The following EXTL2 variants were observed in gnomAD, a reference collection of about 807,000 sequenced individuals.
The protein encoded by EXTL2 is exostosin-like 2.
In EXTL2, 23 loss-of-function variants were observed where a neutral mutation model predicts 30.7. The ratio of observed to expected loss-of-function variants is 0.75; its 90% CI spans 0.54 to 1.06. EXTL2 has a LOEUF of 1.06. EXTL2 is among the 50% of genes least tolerant of loss of function. EXTL2 has a pLI of 0.00. For missense variants in EXTL2, 352 were observed against 396.3 expected (o/e 0.89, Z 0.95); for synonymous variants, 123 against 133.8 (o/e 0.92, Z 0.56).
rs1648779041 is a variant in EXTL2, at chr1:100,872,557, T to C, written c.*1385A>G. 1 of 152,298 alleles carries C rather than the reference T, an allele frequency of 6.6e-6. No individual in the cohort carries two copies. The highest frequency in any genetic ancestry group is 2.1e-4 in the South Asian group (1 of 4,820). 9.4% of individuals were successfully genotyped at this position (152,298 alleles called of 1,614,324 possible). ...ACTGCATTAAGACACATATACTCTT[T>C]AATGTAAAAAAAAAACCATCATATG... On this transcript the variant is annotated 3_prime_UTR_variant, in exon 5 of 5. Transcript: ENST00000370114.
chr1:100,877,030 T>A lies in EXTL2; in HGVS notation c.434-166A>T, dbSNP rs373969462. ...ATTTGTCCAGTAGAAAATAATTTTT[T>A]TGGTATCATAACTGATTGTATAACT... On this transcript the variant is annotated intron_variant, in intron 3 of 4. Coordinates refer to ENST00000370114, the MANE Select transcript of EXTL2 (RefSeq NM_001033025.3). This position sits in a 1 kb window ranked among gnomAD's most constrained non-coding sequence, Gnocchi z 4.1. 1.3e-5 allele frequency among the ~76,000 whole-genome samples: 2 copies of A among 152,224 alleles called. No individual in the cohort carries two copies. Among genetic ancestry groups the A allele is most frequent in the East Asian group, 3.9e-4 (2 of 5,166 alleles).
chr1:100,893,739 C>G (rs531370957), intron 1 of EXTL2, among the ~76,000 whole-genome samples: 1 of 152,194 alleles, frequency 6.6e-6, no homozygotes, highest in Non-Finnish European at 1.5e-5. Context: ...ATAGTGTCCA[C>G]CTACACTTTT....
At chr1:100,884,673 C>T (rs918976677) in intron 2 of EXTL2, among the ~76,000 whole-genome samples, 5 of 152,188 alleles carry the variant, frequency 3.3e-5, no homozygotes, top group African/African-American at 9.7e-5. Flanking sequence ...TTCTATCTGA[C>T]AAACTCTTAC....
At position 100,873,613 on chromosome 1, in the gene EXTL2, T is replaced by G. The variant is rs1184662568; in HGVS notation, c.*329A>C. ...AATGCCTCTCTTGAGTTTCTGATCC[T>G]AGAAACAGCTTGCTATAGGTCCTTA... On this transcript the variant is annotated 3_prime_UTR_variant, in exon 5 of 5. Transcript: ENST00000370114. 1 of 186,646 alleles carries G rather than the reference T, an allele frequency of 5.4e-6. No individual in the cohort carries two copies. The allele number at this position is 186,646 out of a possible 1,614,324, so 11.6% of individuals were successfully genotyped here.
At chr1:100,890,375 T>G (rs1428704603) in intron 1 of EXTL2, among the ~76,000 whole-genome samples, 2 of 152,224 alleles carry the variant, frequency 1.3e-5, no homozygotes, top group Non-Finnish European at 2.9e-5. Flanking sequence ...TGGGAGAAGC[T>G]GCTGTGAAGG....
At chr1:100,874,510 G>T in intron 4 of EXTL2, 80 bp from the exon 5 acceptor site, 1 of 1,165,938 alleles carries the variant, frequency 8.6e-7, no homozygotes, top group Non-Finnish European at 1.2e-6. Flanking sequence ...ATTTATTACA[G>T]AGAGAATGAA....
Position 100,874,332 on chromosome 1 carries a change from C to T in EXTL2, c.603G>A (p.Gly201=), listed in dbSNP as rs1205882530. Residue 201 remains glycine (G), a synonymous_variant, in exon 5 of 5, where the codon GGG becomes GGA. Coordinates refer to ENST00000370114, the MANE Select transcript of EXTL2 (RefSeq NM_001033025.3). The part of the protein sequence containing the change: ...SYGSFEMQAP[G]SGNGDQYSMV... ...TAGAGTACTGGTCACCATTTCCAGA[C>T]CCTGGTGCTTGCATTTCAAAACTTC... 6 of 1,612,848 alleles carry T rather than the reference C, an allele frequency of 3.7e-6. No individual in the cohort carries two copies. The highest frequency in any genetic ancestry group is 5.1e-6 in the Non-Finnish European group (6 of 1,179,368).
chr1:100,881,076 T>G lies in EXTL2; in HGVS notation c.6-3173A>C, dbSNP rs1474543827. The G allele has an allele frequency of 4.1e-6, 4 of 969,094 alleles. No homozygotes were observed. In the East Asian group the frequency reaches 4.6e-4, roughly 111 times the overall value. 60.0% of individuals were successfully genotyped at this position (969,094 alleles called of 1,614,324 possible). A position where few individuals can be genotyped will look rare whatever the true frequency, so the allele number is the denominator to read the frequency against. ...CCTGTATCAGAAAGGTTTCAGGAGATATGAATAATTTATGTCTTTAGAAAC... is the reference window on the plus strand; with the variant it reads ...CCTGTATCAGAAAGGTTTCAGGAGAGATGAATAATTTATGTCTTTAGAAAC... On this transcript the variant is annotated intron_variant, in intron 2 of 4. Transcript: ENST00000370114.
At chr1:100,887,589 A>T (rs1557960243) in intron 2 of EXTL2, among the ~76,000 whole-genome samples, 2 of 152,280 alleles carry the variant, frequency 1.3e-5, no homozygotes, top group African/African-American at 4.8e-5. Context: ...CCCATTTTGC[A>T]GAGAAGACAT....
At chr1:100,893,693 T>C (rs1446921481) in intron 1 of EXTL2, among the ~76,000 whole-genome samples, 1 of 152,268 alleles carries the variant, frequency 6.6e-6, no homozygotes, top group African/African-American at 2.4e-5. Context: ...AGGCACAGCC[T>C]GACGTTTTTC....
rs1648782076 is a variant in EXTL2 at position 100,872,580 on chromosome 1, A to G, written c.*1362T>C. On this transcript the variant is annotated 3_prime_UTR_variant, in exon 5 of 5. Transcript: ENST00000370114. ...TTTAATGTAAAAAAAAAACCATCAT[A>G]TGCGGAACTAAATGCACAAAGACCT... The G allele has an allele frequency of 6.6e-6, 1 of 152,470 alleles. No homozygotes were observed. Among genetic ancestry groups the G allele is most frequent in the African/African-American group, 2.4e-5 (1 of 41,434 alleles). 9.4% of individuals were successfully genotyped at this position (152,470 alleles called of 1,614,324 possible).
At chr1:100,883,054 A>T (rs1649691004) in intron 2 of EXTL2, among the ~76,000 whole-genome samples, 2 of 152,210 alleles carry the variant, frequency 1.3e-5, no homozygotes, top group African/African-American at 4.8e-5. Context: ...CAGCAGAACC[A>T]AGAGAAGACT....
intron 1 of EXTL2, among the ~76,000 whole-genome samples, chr1:100,890,583 G>T (rs1380373451): frequency 6.6e-6 from 1 of 152,078 alleles, no homozygotes; most frequent in Non-Finnish European, 1.5e-5. Context: ...TCCAAATTCA[G>T]ATCATCTCTC....
chr1:100,884,336 A>C (rs1310855830), intron 2 of EXTL2, among the ~76,000 whole-genome samples: 1 of 152,198 alleles, frequency 6.6e-6, no homozygotes, highest in Non-Finnish European at 1.5e-5. Context: ...TAAACTGATG[A>C]ATATAGAATG....
chr1:100,891,103 T>C (rs777552680), intron 1 of EXTL2, among the ~76,000 whole-genome samples: 5 of 152,256 alleles, frequency 3.3e-5, no homozygotes, highest in African/African-American at 7.2e-5. Context: ...AGAATATGTT[T>C]ATGCATGTAT....
chr1:100,885,446 CCT>C (rs2100952283), intron 2 of EXTL2, among the ~76,000 whole-genome samples: 1 of 152,184 alleles, frequency 6.6e-6, no homozygotes, highest in African/African-American at 2.4e-5. Flanking sequence ...AGACAAAAAA[CCT>C]CTTACTTGGT....
At position 100,872,482 on chromosome 1, in the gene EXTL2, C is replaced by CTTA. The variant is rs1161771822; in HGVS notation, c.*1459_*1460insTAA. ...GGACAAAACAGATAACTGACATTATCGATTTTTAGTAAGATTCTTAGTTTC... is the reference window on the plus strand; with the variant it reads ...GGACAAAACAGATAACTGACATTATCTTAGATTTTTAGTAAGATTCTTAGTTTC... On this transcript the variant is annotated 3_prime_UTR_variant, in exon 5 of 5. Transcript: ENST00000370114. 1.3e-5 allele frequency: 2 copies of CTTA among 152,192 alleles called. No individual in the cohort carries two copies. Among genetic ancestry groups the CTTA allele is most frequent in the African/African-American group, 4.8e-5 (2 of 41,334 alleles). 9.4% of individuals were successfully genotyped at this position (152,192 alleles called of 1,614,324 possible). A position where few individuals can be genotyped will look rare whatever the true frequency, so the allele number is the denominator to read the frequency against.
At chr1:100,894,954 A>C (rs1418506920), upstream of EXTL2, 1 of 151,992 alleles carries the variant, frequency 6.6e-6, no homozygotes, top group African/African-American at 2.4e-5. Context: ...CCTTTCCTCC[A>C]TTTCTTCTCC....
Position 100,876,786 on chromosome 1 carries a change from A to C in EXTL2, c.504+8T>G, listed in dbSNP as rs1247359793. 3.1e-6 allele frequency: 5 copies of C among 1,607,816 alleles called. No individual in the cohort carries two copies. The highest frequency in any genetic ancestry group is 4.3e-6 in the Non-Finnish European group (5 of 1,174,958). ...AAGACGGTTTCATAAAAGAGACAGC[A>C]ACATTACCTGCCAAACTGAGAAAGC... On this transcript the variant is annotated splice_region_variant and intron_variant, in intron 4 of 4. Transcript: ENST00000370114.
Sources: gnomAD v4.1 joint callset for allele counts (sites outside exome capture counted in the v4.1 genomes callset) on GRCh38, gnomAD v4.1.1 for gene constraint, Gnocchi (gnomAD v3.1) non-coding constraint, MANE v1.5 for transcripts, NCBI Gene and HGNC (gene_info 2026-07-23, HGNC 2026-07-21) for gene names.